The following RGS7 variants were observed in gnomAD, a reference collection of about 807,000 sequenced individuals.
RGS7 encodes regulator of G-protein signaling 7.
RGS7 carries 27 observed loss-of-function variants against 81.1 expected under a neutral mutation model. The ratio of observed to expected loss-of-function variants is 0.33; its 90% CI spans 0.25 to 0.46. The LOEUF is 0.46. RGS7 is among the 20% of genes least tolerant of loss of function. RGS7 has a pLI of 1.00. For missense variants in RGS7, 396 were observed against 607.4 expected (o/e 0.65, Z 3.66); for synonymous variants, 208 against 207.7 (o/e 1.00, Z -0.01).
At chr1:240,999,591 C>A (rs1307438534) in intron 3 of RGS7, among the ~76,000 whole-genome samples, 2 of 152,024 alleles carry the variant, frequency 1.3e-5, no homozygotes, top group Non-Finnish European at 2.9e-5. Flanking sequence ...GTTCTTGGTA[C>A]GATGAGTATT....
At chr1:240,966,615 CT>C (rs1682344236) in intron 4 of RGS7, among the ~76,000 whole-genome samples, 1 of 152,278 alleles carries the variant, frequency 6.6e-6, no homozygotes, top group Non-Finnish European at 1.5e-5. Flanking sequence ...CCTGTTTAGG[CT>C]GATTCAGAAC....
chr1:241,289,825 C>A (rs1469532096), intron 2 of RGS7, among the ~76,000 whole-genome samples: 1 of 152,000 alleles, frequency 6.6e-6, no homozygotes, highest in Non-Finnish European at 1.5e-5. Context: ...GGAGGGAGAG[C>A]ATGACTGCCT....
At chr1:241,039,347 C>T (rs573022441) in intron 3 of RGS7, among the ~76,000 whole-genome samples, 1 of 151,728 alleles carries the variant, frequency 6.6e-6, no homozygotes, top group East Asian at 1.9e-4. Flanking sequence ...ATAGATAAAC[C>T]ACAAGGCGCC....
intron 2 of RGS7, among the ~76,000 whole-genome samples, chr1:241,117,882 A>G (rs900496792): frequency 3.9e-4 from 60 of 152,190 alleles, no homozygotes; most frequent in African/African-American, 1.4e-3. Flanking sequence ...ATCAAGCAAG[A>G]TAAGCATGAA....
chr1:241,321,854 TAA>T lies in RGS7; in HGVS notation c.78+33843_78+33844del, dbSNP rs1169323176. Among the ~76,000 whole-genome samples, 11 of 152,304 alleles carry T rather than the reference TAA, an allele frequency of 7.2e-5. No homozygotes were observed. The East Asian group carries it at 2.1e-3, about 29-fold the overall frequency. Reference sequence around the variant, plus strand: ...TAATTCTCACTCATTAGTTGTGGAATAAAGTCCAAACCGCCGTTCTAGAATTC... The same window carrying T: ...TAATTCTCACTCATTAGTTGTGGAATAGTCCAAACCGCCGTTCTAGAATTC... On this transcript the variant is annotated intron_variant, in intron 2 of 18. Transcript: ENST00000440928.
At chr1:241,248,664 T>C (rs1336280030) in intron 2 of RGS7, among the ~76,000 whole-genome samples, 1 of 152,132 alleles carries the variant, frequency 6.6e-6, no homozygotes, top group African/African-American at 2.4e-5. Flanking sequence ...TCTCTTTGTA[T>C]TTTTAAATTC....
intron 2 of RGS7, among the ~76,000 whole-genome samples, chr1:241,308,606 G>T (rs1314859969): frequency 6.6e-6 from 1 of 152,114 alleles, no homozygotes; most frequent in Non-Finnish European, 1.5e-5. Context: ...AGTGTTCTTC[G>T]CAGTTTCTGT....
chr1:241,277,121 GCTATGTACT>G (rs2078234498), intron 2 of RGS7, among the ~76,000 whole-genome samples: 1 of 152,092 alleles, frequency 6.6e-6, no homozygotes, highest in South Asian at 2.1e-4. Context: ...TTTTAAAATA[GCTATGTACT>G]CTCCTATTGT....
At chr1:240,886,248 T>C (rs1667318402) in intron 6 of RGS7, among the ~76,000 whole-genome samples, 2 of 152,140 alleles carry the variant, frequency 1.3e-5, no homozygotes, top group African/African-American at 4.8e-5. Context: ...AAGTGACAGG[T>C]TCTGAGAGTT....
intron 2 of RGS7, among the ~76,000 whole-genome samples, chr1:241,214,964 C>T (rs1223572153): frequency 2.0e-5 from 3 of 152,020 alleles, no homozygotes; most frequent in African/African-American, 7.2e-5. Flanking sequence ...TCTTTATGTG[C>T]TTATCATAGT....
At chr1:241,287,096 G>C (rs2148428437) in intron 2 of RGS7, among the ~76,000 whole-genome samples, 1 of 152,356 alleles carries the variant, frequency 6.6e-6, no homozygotes, top group Middle Eastern at 3.4e-3. Context: ...GAAAAGTCAT[G>C]ATGTGTCAGG....
chr1:241,220,994 G>GA lies in RGS7; in HGVS notation c.79-122233dup, dbSNP rs1558203253. Among the ~76,000 whole-genome samples the GA allele has an allele frequency of 2.1e-3, 195 of 93,576 alleles. 1 individual carries two copies. In the Middle Eastern group the frequency reaches 0.026, roughly 12 times the overall value. The allele number at this position is 93,576 out of a possible 152,430, so 61.4% of individuals were successfully genotyped here. On this transcript the variant is annotated intron_variant, in intron 2 of 18. Coordinates refer to ENST00000440928, the MANE Select transcript of RGS7 (RefSeq NM_001364886.1). ...GGAAGGAAGGAAGGAAGGAAGGAAG[G>GA]AAGAGAGAGAGAAAGGAAGGAAGGA...
At chr1:241,162,158 T>C (rs993577814) in intron 2 of RGS7, among the ~76,000 whole-genome samples, 13 of 151,604 alleles carry the variant, frequency 8.6e-5, no homozygotes, top group African/African-American at 2.9e-4. Flanking sequence ...TAATAATTGA[T>C]TGCAGCTGGT....
chr1:241,341,871 T>C (rs2082571586), intron 2 of RGS7, among the ~76,000 whole-genome samples: 1 of 78,496 alleles, frequency 1.3e-5, no homozygotes, highest in Non-Finnish European at 2.4e-5. Flanking sequence ...TCTTCAACTC[T>C]TTTTTTTTTT....
chr1:241,184,761 C>G (rs768809680), intron 2 of RGS7, among the ~76,000 whole-genome samples: 10 of 151,552 alleles, frequency 6.6e-5, no homozygotes, highest in Non-Finnish European at 1.5e-4. Flanking sequence ...ATTCCAAAAT[C>G]CAAAAAAAAA....
At chr1:240,839,666 G>T (rs985246064) in intron 9 of RGS7, among the ~76,000 whole-genome samples, 2 of 152,160 alleles carry the variant, frequency 1.3e-5, no homozygotes, top group African/African-American at 4.8e-5. Flanking sequence ...GTGAAGGGCA[G>T]CATTCTTGGG....
chr1:241,162,872 T>C (rs773375241), intron 2 of RGS7, among the ~76,000 whole-genome samples: 5 of 152,200 alleles, frequency 3.3e-5, no homozygotes, highest in Non-Finnish European at 7.3e-5. Flanking sequence ...AGTAAGGCAG[T>C]CTGACTCTGG....
chr1:241,097,091 A>G (rs1420428152), intron 3 of RGS7, among the ~76,000 whole-genome samples: 1 of 150,662 alleles, frequency 6.6e-6, no homozygotes. Context: ...GACAAAGTGG[A>G]GCGTACAAGA....
intron 6 of RGS7, among the ~76,000 whole-genome samples, chr1:240,872,816 T>C (rs1330090252): frequency 1.3e-5 from 2 of 152,174 alleles, no homozygotes; most frequent in Admixed American, 1.3e-4. Flanking sequence ...CATTGGCTCA[T>C]GCCTGTAATC....
Sources: gnomAD v4.1 joint callset for allele counts (sites outside exome capture counted in the v4.1 genomes callset) on GRCh38, gnomAD v4.1.1 for gene constraint, MANE v1.5 for transcripts, NCBI Gene and HGNC (gene_info 2026-07-23, HGNC 2026-07-21) for gene names.